Variants in PVALEF observed in about 807,000 individuals in gnomAD.
PVALEF encodes the protein parvalbumin like EF-hand containing.
A neutral mutation model predicts 1.2 loss-of-function variants in PVALEF; 2 were observed. The observed-to-expected ratio is 1.68, with a 90% CI of 0.69 to 5.28. PVALEF has a LOEUF of 5.28. Among genes scored for constraint, PVALEF ranks in the 30% most tolerant of loss-of-function variants. The probability of loss-of-function intolerance (pLI) is 0.06; values close to 1 mark genes in which losing one functional copy is unlikely to be tolerated. For synonymous variants in PVALEF, 16 were observed against 6.5 expected (o/e 2.47, Z -2.24); for missense variants, 35 against 17.7 (o/e 1.97, Z -1.75).
intron 2 of PVALEF, among the ~76,000 whole-genome samples, chr17:81,172,800 G>A (rs1412550291): frequency 2.0e-5 from 3 of 151,978 alleles, no homozygotes; most frequent in African/African-American, 7.2e-5. Context: ...TTGCTGGACC[G>A]TCCTCAGCTC....
chr17:81,172,245 T>C (rs1330417421), intron 2 of PVALEF, among the ~76,000 whole-genome samples: 1 of 152,116 alleles, frequency 6.6e-6, no homozygotes, highest in Non-Finnish European at 1.5e-5. Context: ...TAGTGTTAGG[T>C]GTGGGGTGGG....
chr17:81,173,717 G>A (rs1294649040), intron 2 of PVALEF, among the ~76,000 whole-genome samples: 6 of 152,142 alleles, frequency 3.9e-5, no homozygotes, highest in Non-Finnish European at 8.8e-5. Flanking sequence ...TTTCACTGGC[G>A]AATGCCACCA....
chr17:81,182,917 G>A (rs115029180), intron 6 of PVALEF, 48 bp from the exon 7 acceptor site: 8,926 of 398,546 alleles, frequency 0.022, 151 homozygotes, highest in African/African-American at 0.068. Context: ...ACAGGAACTG[G>A]GGGACACAAA....
intron 2 of PVALEF, among the ~76,000 whole-genome samples, chr17:81,177,100 T>C (rs2061538236): frequency 6.6e-6 from 1 of 151,488 alleles, no homozygotes; most frequent in Non-Finnish European, 1.5e-5. Flanking sequence ...CTAATTTCCG[T>C]ATTTTTAGTA....
intron 2 of PVALEF, among the ~76,000 whole-genome samples, chr17:81,173,527 G>A (rs1039690598): frequency 6.6e-6 from 1 of 152,118 alleles, no homozygotes; most frequent in South Asian, 2.1e-4. Flanking sequence ...TGGAAAGCCA[G>A]GCCTATATCA....
chr17:81,165,569 G>T lies in PVALEF; in HGVS notation c.-686G>T. The T allele has an allele frequency of 1.7e-6, 2 of 1,211,210 alleles. No individual in the cohort carries two copies. Among genetic ancestry groups the T allele is most frequent in the Non-Finnish European group, 2.2e-6 (2 of 900,136 alleles). 75.0% of individuals were successfully genotyped at this position (1,211,210 alleles called of 1,614,324 possible). A position where few individuals can be genotyped will look rare whatever the true frequency, so the allele number is the denominator to read the frequency against. ...GGGCCCCGGACCCAGGAGAGGCCAT[G>T]GAAAGCCTGAACCCCAGCTGGCTGA... is the stretch of plus-strand genomic sequence containing the variant. On this transcript the variant is annotated 5_prime_UTR_variant, in exon 1 of 7. The change abolishes an upstream ATG in the 5' untranslated region. Coordinates refer to ENST00000637878, the MANE Select transcript of PVALEF (RefSeq NM_001354639.2).
At chr17:81,180,499 G>C (rs1297933217) in intron 3 of PVALEF, among the ~76,000 whole-genome samples, 3 of 152,154 alleles carry the variant, frequency 2.0e-5, no homozygotes, top group African/African-American at 4.8e-5. Flanking sequence ...CCACTGCAGG[G>C]GCTGTGGGGG....
intron 2 of PVALEF, among the ~76,000 whole-genome samples, chr17:81,170,524 T>C (rs533810122): frequency 6.6e-6 from 1 of 152,140 alleles, no homozygotes; most frequent in Non-Finnish European, 1.5e-5. Context: ...TTGAACATAT[T>C]TTGGGGGGAC....
intron 2 of PVALEF, among the ~76,000 whole-genome samples, chr17:81,170,301 G>C (rs1358290701): frequency 3.3e-5 from 5 of 151,530 alleles, no homozygotes; most frequent in Non-Finnish European, 7.4e-5. Flanking sequence ...GTATATGTGT[G>C]TCTGTGTTGG....
intron 2 of PVALEF, among the ~76,000 whole-genome samples, chr17:81,168,974 A>G (rs1231220010): frequency 6.6e-6 from 1 of 152,244 alleles, no homozygotes; most frequent in Non-Finnish European, 1.5e-5. Flanking sequence ...CCACACTATA[A>G]CATGCATGAC....
intron 1 of PVALEF, 174 bp downstream of exon 1, chr17:81,165,921 G>C: frequency 1.3e-6 from 2 of 1,572,910 alleles, no homozygotes; most frequent in South Asian, 1.2e-5. Context: ...GCGCAGGCCG[G>C]GCCGCCAGGG....
At chr17:81,178,694 C>T (rs2061543463) in intron 2 of PVALEF, among the ~76,000 whole-genome samples, 1 of 152,164 alleles carries the variant, frequency 6.6e-6, no homozygotes, top group South Asian at 2.1e-4. Flanking sequence ...GGGGCAGGGT[C>T]CCCAGCCTCA....
intron 2 of PVALEF, among the ~76,000 whole-genome samples, chr17:81,169,984 G>T: frequency 7.2e-6 from 1 of 139,044 alleles, no homozygotes; most frequent in East Asian, 2.3e-4. Flanking sequence ...ACATGTGTGT[G>T]CATGTGTGTG....
chr17:81,169,899 G>C (rs1225521612), intron 2 of PVALEF, among the ~76,000 whole-genome samples: 1 of 151,514 alleles, frequency 6.6e-6, no homozygotes. Context: ...TGTGCATAGA[G>C]GTAGGTGTGT....
chr17:81,166,963 C>G (rs1196783281), intron 2 of PVALEF, 119 bp downstream of exon 2: 1 of 308,354 alleles, frequency 3.2e-6, no homozygotes, highest in Non-Finnish European at 6.5e-6. Flanking sequence ...GGGGCAGGGT[C>G]CCCCCAGCCT....
chr17:81,166,185 C>A, intron 1 of PVALEF: 1 of 170,062 alleles, frequency 5.9e-6, no homozygotes. Context: ...GGCGCTCCGC[C>A]CGGCCCTGGC....
intron 2 of PVALEF, among the ~76,000 whole-genome samples, chr17:81,170,778 C>T (rs1412543349): frequency 2.0e-5 from 3 of 152,134 alleles, no homozygotes; most frequent in Non-Finnish European, 4.4e-5. Flanking sequence ...CCTGGCTGGG[C>T]CTCACCCTGC....
chr17:81,183,090 G>T lies in PVALEF; in HGVS notation c.*79G>T. 1 of 398,670 alleles carries T rather than the reference G, an allele frequency of 2.5e-6. No individual in the cohort carries two copies. Among genetic ancestry groups the T allele is most frequent in the South Asian group, 1.3e-4 (1 of 7,860 alleles). The allele number at this position is 398,670 out of a possible 1,614,324, so 24.7% of individuals were successfully genotyped here. A position where few individuals can be genotyped will look rare whatever the true frequency, so the allele number is the denominator to read the frequency against. ...CCACGCACCTGGGCAGAAGCCGTTGGGGCCGGTAAGAGGCGGCAGCCGTGA... is the reference window on the plus strand; with the variant it reads ...CCACGCACCTGGGCAGAAGCCGTTGTGGCCGGTAAGAGGCGGCAGCCGTGA... On this transcript the variant is annotated 3_prime_UTR_variant, in exon 7 of 7. Coordinates refer to ENST00000637878, the MANE Select transcript of PVALEF (RefSeq NM_001354639.2).
chr17:81,166,989 G>A (rs545486816), intron 2 of PVALEF, 145 bp downstream of exon 2: 429 of 307,618 alleles, frequency 1.4e-3, no homozygotes, highest in African/African-American at 7.4e-3. Flanking sequence ...CGTGGGAGTC[G>A]GGAGAGTTAA....
Sources: allele counts gnomAD v4.1 joint callset (sites outside exome capture counted in the v4.1 genomes callset), GRCh38; gene constraint gnomAD v4.1.1; transcripts MANE v1.5; gene names NCBI Gene and HGNC (gene_info 2026-07-23, HGNC 2026-07-21).